DPYD: variants seen among roughly 807,000 people sequenced by gnomAD.
DPYD encodes dihydropyrimidine dehydrogenase [NADP(+)].
A neutral mutation model predicts 116.2 loss-of-function variants in DPYD; 109 were observed. The ratio of observed to expected loss-of-function variants is 0.94; its 90% CI spans 0.80 to 1.10. The LOEUF (loss-of-function observed/expected upper bound fraction) is 1.10. Among genes scored for constraint, DPYD ranks in the 50% least tolerant of loss-of-function variants. The pLI is 0.00. For missense variants in DPYD, 1,302 were observed against 1,254.5 expected (o/e 1.04, Z -0.57); for synonymous variants, 440 against 432.0 (o/e 1.02, Z -0.23).
intron 21 of DPYD, among the ~76,000 whole-genome samples, chr1:97,095,008 G>T (rs913435769): frequency 2.0e-5 from 3 of 152,072 alleles, no homozygotes; most frequent in Non-Finnish European, 2.9e-5. Flanking sequence ...CAAAGTAAAG[G>T]ATCAAAGCTA....
chr1:97,726,891 T>C (rs896901061), intron 4 of DPYD, among the ~76,000 whole-genome samples: 6 of 151,744 alleles, frequency 4.0e-5, no homozygotes, highest in African/African-American at 7.2e-5. Flanking sequence ...GTTATACTTA[T>C]GGCTCATGAT....
chr1:97,281,356 T>C (rs369086443), intron 18 of DPYD, among the ~76,000 whole-genome samples: 16 of 151,566 alleles, frequency 1.1e-4, no homozygotes, highest in African/African-American at 3.6e-4. Flanking sequence ...TCACAAGAGA[T>C]AAAGAGTAGA....
At chr1:97,893,399 A>C (rs1357269016) in intron 1 of DPYD, among the ~76,000 whole-genome samples, 1 of 144,332 alleles carries the variant, frequency 6.9e-6, no homozygotes, top group Non-Finnish European at 1.5e-5. Flanking sequence ...AAGGGTCATG[A>C]AATTCAAAAA....
At chr1:97,206,638 TTATATATATATATATATATATATATA>T (rs57893705) in intron 19 of DPYD, among the ~76,000 whole-genome samples, 15 of 48,998 alleles carry the variant, frequency 3.1e-4, no homozygotes, top group South Asian at 9.5e-4. Flanking sequence ...CAGGGAGATT[TTATATATATATATATATATATATATA>T]TATATATATA....
chr1:97,495,400 T>C (rs957789029), intron 13 of DPYD, among the ~76,000 whole-genome samples: 2 of 152,168 alleles, frequency 1.3e-5, no homozygotes, highest in Admixed American at 1.3e-4. Flanking sequence ...CATTGAAAGT[T>C]AAAAGTCAAA....
chr1:97,247,767 A>T (rs1181595076), intron 18 of DPYD, among the ~76,000 whole-genome samples: 1 of 152,218 alleles, frequency 6.6e-6, no homozygotes, highest in Non-Finnish European at 1.5e-5. Context: ...GAAATGCACA[A>T]ATTCCATGCA....
At chr1:97,804,811 T>C (rs1165297395) in intron 3 of DPYD, among the ~76,000 whole-genome samples, 2 of 151,934 alleles carry the variant, frequency 1.3e-5, no homozygotes, top group African/African-American at 2.4e-5. Context: ...CTTTTGAGCA[T>C]TGAACTGAGT....
intron 8 of DPYD, among the ~76,000 whole-genome samples, chr1:97,655,958 T>C (rs1216975407): frequency 2.0e-5 from 3 of 152,166 alleles, no homozygotes; most frequent in East Asian, 1.9e-4. Context: ...TTTTTAATAA[T>C]ATAACTGCTA....
At chr1:97,086,214 C>T (rs558050773) in intron 21 of DPYD, among the ~76,000 whole-genome samples, 12 of 152,154 alleles carry the variant, frequency 7.9e-5, no homozygotes, top group South Asian at 2.1e-4. Context: ...CCACCACGCC[C>T]GGCTAATTTT....
intron 1 of DPYD, among the ~76,000 whole-genome samples, chr1:97,894,206 G>A (rs1571544601): frequency 6.6e-6 from 1 of 151,864 alleles, no homozygotes; most frequent in Middle Eastern, 3.4e-3. Flanking sequence ...GTTGCAGAGA[G>A]AGAGGATGAG....
intron 3 of DPYD, among the ~76,000 whole-genome samples, chr1:97,765,280 G>T (rs548924365): frequency 6.6e-6 from 1 of 152,220 alleles, no homozygotes; most frequent in South Asian, 2.1e-4. Flanking sequence ...TCATTGCTTG[G>T]ATATCTAATC....
intron 2 of DPYD, among the ~76,000 whole-genome samples, chr1:97,845,487 C>T (rs1011230700): frequency 1.3e-5 from 2 of 152,162 alleles, no homozygotes; most frequent in African/African-American, 2.4e-5. Flanking sequence ...ATTAGGACGA[C>T]CTGCCTGTGG....
chr1:97,759,675 C>A lies in DPYD; in HGVS notation c.234-19196G>T, dbSNP rs577637030. Reference sequence around the variant, plus strand: ...AAATAAATATTACATTGTATTGCCACCTTCTACAATCTTTTATGTATTTTT... The same window carrying A: ...AAATAAATATTACATTGTATTGCCAACTTCTACAATCTTTTATGTATTTTT... On this transcript the variant is annotated intron_variant, in intron 3 of 22. Transcript: ENST00000370192. Among the ~76,000 whole-genome samples the A allele has an allele frequency of 2.4e-4, 37 of 152,080 alleles. 1 individual carries two copies. Among genetic ancestry groups the A allele is most frequent in the Non-Finnish European group, 4.9e-4 (33 of 68,024 alleles).
intron 18 of DPYD, among the ~76,000 whole-genome samples, chr1:97,249,062 AT>A (rs2100802250): frequency 6.6e-6 from 1 of 152,314 alleles, no homozygotes; most frequent in South Asian, 2.1e-4. Flanking sequence ...CAAAACAAAA[AT>A]CCAAAAAGGT....
intron 11 of DPYD, among the ~76,000 whole-genome samples, chr1:97,561,128 C>A (rs1280450692): frequency 2.6e-5 from 4 of 152,006 alleles, no homozygotes; most frequent in African/African-American, 9.7e-5. Context: ...AGAACAACAA[C>A]AAAAAAGAAA....
chr1:97,615,537 A>G (rs1249677169), intron 8 of DPYD, among the ~76,000 whole-genome samples: 1 of 152,084 alleles, frequency 6.6e-6, no homozygotes, highest in African/African-American at 2.4e-5. Flanking sequence ...TTCTACAATC[A>G]CCAAATCCTA....
At chr1:97,253,286 T>C (rs1663230066) in intron 18 of DPYD, among the ~76,000 whole-genome samples, 5 of 152,200 alleles carry the variant, frequency 3.3e-5, no homozygotes, top group Admixed American at 3.3e-4. Context: ...TTATAGACAT[T>C]GGAAAATGTC....
rs149360560 is a variant in DPYD, at chr1:97,306,985, A to T, written c.2059-688T>A. 5.8e-3 allele frequency among the ~76,000 whole-genome samples: 882 copies of T among 152,042 alleles called. 10 individuals are homozygous for T. Among genetic ancestry groups the T allele is most frequent in the African/African-American group, 0.02 (838 of 41,536 alleles). Reference sequence around the variant, plus strand: ...AAATAAAATATCAAATGCTCATTTTAAAAAGCAAGAAATAGACATTTCCAT... The same window carrying T: ...AAATAAAATATCAAATGCTCATTTTTAAAAGCAAGAAATAGACATTTCCAT... On this transcript the variant is annotated intron_variant, in intron 16 of 22. Coordinates refer to ENST00000370192, the MANE Select transcript of DPYD (RefSeq NM_000110.4).
intron 16 of DPYD, among the ~76,000 whole-genome samples, chr1:97,349,332 T>C (rs1479611998): frequency 6.6e-6 from 1 of 150,670 alleles, no homozygotes; most frequent in African/African-American, 2.4e-5. Flanking sequence ...TTTTTTGGAG[T>C]TATTTCTTTT....
Sources: allele counts gnomAD v4.1 joint callset (sites outside exome capture counted in the v4.1 genomes callset), GRCh38; gene constraint gnomAD v4.1.1; transcripts MANE v1.5; gene names NCBI Gene and HGNC (gene_info 2026-07-23, HGNC 2026-07-21).